Variants in KIAA1217 observed in about 807,000 individuals in gnomAD.
KIAA1217 encodes the protein sickle tail protein homolog.
A neutral mutation model predicts 163.9 loss-of-function variants in KIAA1217; 88 were observed. The ratio of observed to expected loss-of-function variants is 0.54; its 90% CI spans 0.45 to 0.64. The LOEUF is 0.64. Ranked by LOEUF, KIAA1217 falls within the 30% of genes least tolerant of loss-of-function variation. KIAA1217 has a pLI of 0.00. For missense variants in KIAA1217, 2,372 were observed against 2,475.0 expected (o/e 0.96, Z 0.88); for synonymous variants, 903 against 923.1 (o/e 0.98, Z 0.39).
chr10:24,286,204 T>C (rs1343660407), intron 2 of KIAA1217, among the ~76,000 whole-genome samples: 3 of 152,176 alleles, frequency 2.0e-5, no homozygotes, highest in Non-Finnish European at 4.4e-5. Context: ...GTTGTTCAGA[T>C]CTTTTGCCCA....
chr10:23,925,239 G>A (rs566102483), intron 1 of KIAA1217, among the ~76,000 whole-genome samples: 4 of 152,258 alleles, frequency 2.6e-5, no homozygotes, highest in Non-Finnish European at 4.4e-5. Context: ...AACTTACAAA[G>A]GCTGGCAATT....
intron 1 of KIAA1217, among the ~76,000 whole-genome samples, chr10:23,880,709 T>C (rs1325034150): frequency 6.6e-6 from 1 of 151,966 alleles, no homozygotes; most frequent in Non-Finnish European, 1.5e-5. Flanking sequence ...ATATCTCTTT[T>C]AATCCATAAA....
At chr10:23,819,422 G>A (rs1409125664) in intron 1 of KIAA1217, among the ~76,000 whole-genome samples, 11 of 152,076 alleles carry the variant, frequency 7.2e-5, no homozygotes, top group Non-Finnish European at 1.6e-4. Flanking sequence ...TGTAATAAGG[G>A]AAAGATATGG....
chr10:23,716,691 C>A (rs773450003), intron 1 of KIAA1217, among the ~76,000 whole-genome samples: 7 of 152,122 alleles, frequency 4.6e-5, no homozygotes, highest in Non-Finnish European at 1.0e-4. Context: ...AGCTGGTCCA[C>A]CTTACTAGGA....
intron 2 of KIAA1217, among the ~76,000 whole-genome samples, chr10:24,099,586 TTA>T (rs1554866057): frequency 7.0e-6 from 1 of 143,450 alleles, no homozygotes; most frequent in Admixed American, 7.0e-5. Context: ...TATATATATA[TTA>T]TATATATATA....
chr10:23,756,249 C>T (rs1833914395), intron 1 of KIAA1217, among the ~76,000 whole-genome samples: 1 of 151,942 alleles, frequency 6.6e-6, no homozygotes, highest in Non-Finnish European at 1.5e-5. Flanking sequence ...AGGCATGAGC[C>T]ACCACACCCA....
At chr10:24,052,862 G>A (rs1849616464) in intron 2 of KIAA1217, among the ~76,000 whole-genome samples, 1 of 152,030 alleles carries the variant, frequency 6.6e-6, no homozygotes, top group Non-Finnish European at 1.5e-5. Context: ...AGCCTCTCTA[G>A]CTATCAATCT....
chr10:24,327,112 A>G (rs2045023526), intron 2 of KIAA1217, among the ~76,000 whole-genome samples: 1 of 152,222 alleles, frequency 6.6e-6, no homozygotes, highest in Non-Finnish European at 1.5e-5. Flanking sequence ...TTATATTAGA[A>G]TGGATGCAAG....
intron 5 of KIAA1217, among the ~76,000 whole-genome samples, chr10:24,443,381 T>C (rs865789325): frequency 1.3e-5 from 2 of 152,150 alleles, no homozygotes; most frequent in Non-Finnish European, 1.5e-5. Context: ...AATTATAGCC[T>C]TCATTATCTC....
chr10:24,122,704 A>C (rs2063327900), intron 2 of KIAA1217, among the ~76,000 whole-genome samples: 1 of 152,150 alleles, frequency 6.6e-6, no homozygotes, highest in African/African-American at 2.4e-5. Flanking sequence ...ATGAAACTTC[A>C]CTAATCAGCT....
intron 1 of KIAA1217, among the ~76,000 whole-genome samples, chr10:23,899,862 A>G (rs897074978): frequency 6.6e-6 from 1 of 151,974 alleles, no homozygotes; most frequent in African/African-American, 2.4e-5. Flanking sequence ...ACAGTTTGAT[A>G]TTTTTACTTT....
chr10:24,276,608 C>CT (rs35622932), intron 2 of KIAA1217, among the ~76,000 whole-genome samples: 15,384 of 137,978 alleles, frequency 0.11, 1,525 homozygotes, highest in East Asian at 0.32. Context: ...TCAAGTCCAG[C>CT]TTTTTTTTTT....
chr10:24,438,624 T>TGCCACATGGAGACAGATTGAGTCATGC, intron 5 of KIAA1217, 145 bp downstream of exon 5: 1 of 592,016 alleles, frequency 1.7e-6, no homozygotes, highest in Admixed American at 3.0e-5. Context: ...CATTATTTGT[T>TGCCACATGGAGACAGATTGAGTCATGC]CTTGGTAGAG....
At chr10:24,419,931 G>C (rs1471414144) in intron 3 of KIAA1217, among the ~76,000 whole-genome samples, 1 of 152,080 alleles carries the variant, frequency 6.6e-6, no homozygotes, top group Non-Finnish European at 1.5e-5. Context: ...CATATTGACA[G>C]AGATGGTTCT....
chr10:23,879,028 T>C (rs995739651), intron 1 of KIAA1217, among the ~76,000 whole-genome samples: 60 of 151,938 alleles, frequency 3.9e-4, no homozygotes, highest in African/African-American at 1.3e-3. Context: ...GACATCCACG[T>C]GTAGAAATCA....
intron 2 of KIAA1217, chr10:24,367,198 G>A (rs867420827): frequency 5.1e-6 from 5 of 979,666 alleles, no homozygotes; most frequent in South Asian, 9.5e-5. Flanking sequence ...TCGTCTCAGC[G>A]AGTTAGTACT....
chr10:23,824,658 A>ATATATATATATATAT (rs1379535101), intron 1 of KIAA1217, among the ~76,000 whole-genome samples: 3 of 53,036 alleles, frequency 5.7e-5, no homozygotes, highest in African/African-American at 1.3e-4. Flanking sequence ...AAATAAAAAA[A>ATATATATATATATAT]ATATATATAT....
chr10:23,893,835 A>G (rs1841538401), intron 1 of KIAA1217, among the ~76,000 whole-genome samples: 1 of 152,232 alleles, frequency 6.6e-6, no homozygotes, highest in South Asian at 2.1e-4. Flanking sequence ...CTGGTTCAAT[A>G]TACGCAAATC....
intron 2 of KIAA1217, among the ~76,000 whole-genome samples, chr10:24,065,078 C>T (rs1185114332): frequency 6.6e-6 from 1 of 151,978 alleles, no homozygotes; most frequent in Admixed American, 6.6e-5. Context: ...TTTGTTGATC[C>T]TTTCAAAAAA....
Sources: gnomAD v4.1 joint callset for allele counts (sites outside exome capture counted in the v4.1 genomes callset) on GRCh38, gnomAD v4.1.1 for gene constraint, MANE v1.5 for transcripts, NCBI Gene and HGNC (gene_info 2026-07-23, HGNC 2026-07-21) for gene names.